The following SLC35F4 variants were observed in gnomAD, a reference collection of about 807,000 sequenced individuals.
SLC35F4 encodes the protein solute carrier family 35 member F4.
Under a neutral mutation model 44.2 loss-of-function variants are expected in SLC35F4, and 24 were observed. That is an observed-to-expected ratio of 0.54 (90% CI 0.39 to 0.76). The LOEUF is 0.76. Ranked by LOEUF, SLC35F4 falls within the 30% of genes least tolerant of loss-of-function variation. The probability of loss-of-function intolerance (pLI) is 0.00; values close to 1 mark genes in which losing one functional copy is unlikely to be tolerated. For synonymous variants in SLC35F4, 238 were observed against 223.6 expected, an observed-to-expected ratio of 1.06 and a Z score of -0.57; for missense variants, 562 against 586.1, an observed-to-expected ratio of 0.96 and a Z score of 0.42.
At chr14:57,884,023 C>G (rs1468522286) in intron 1 of SLC35F4, among the ~76,000 whole-genome samples, 1 of 151,986 alleles carries the variant, frequency 6.6e-6, no homozygotes, top group Non-Finnish European at 1.5e-5. Flanking sequence ...CAATAAGAGC[C>G]GTGGATAAAA....
intron 1 of SLC35F4, chr14:57,630,835 A>G: frequency 1.3e-6 from 1 of 755,734 alleles, no homozygotes; most frequent in Non-Finnish European, 1.7e-6. Context: ...TCATAATCAA[A>G]ATGATATGCT....
intron 1 of SLC35F4, among the ~76,000 whole-genome samples, chr14:57,642,339 TAAC>T (rs1008060922): frequency 2.0e-5 from 3 of 152,024 alleles, no homozygotes; most frequent in African/African-American, 7.2e-5. Flanking sequence ...GATTTTATAT[TAAC>T]AACAAATTAA....
At chr14:57,617,452 G>GAA (rs1055775404) in intron 1 of SLC35F4, among the ~76,000 whole-genome samples, 1 of 149,658 alleles carries the variant, frequency 6.7e-6, no homozygotes, top group Non-Finnish European at 1.5e-5. Flanking sequence ...TTCTTAAAAA[G>GAA]AAAAAAAAAT....
At chr14:57,755,115 C>T (rs1024428417) in intron 1 of SLC35F4, among the ~76,000 whole-genome samples, 3 of 152,168 alleles carry the variant, frequency 2.0e-5, no homozygotes, top group Admixed American at 2.0e-4. Flanking sequence ...CAGTTGTTCC[C>T]TTGACCCCCA....
chr14:57,938,054 CTTTT>C (rs976111900), intron 1 of SLC35F4, among the ~76,000 whole-genome samples: 2 of 152,138 alleles, frequency 1.3e-5, no homozygotes, highest in Non-Finnish European at 2.9e-5. Flanking sequence ...TATCAATACT[CTTTT>C]TGTTATTGCA....
At chr14:57,758,832 T>C (rs1477317103) in intron 1 of SLC35F4, among the ~76,000 whole-genome samples, 1 of 152,174 alleles carries the variant, frequency 6.6e-6, no homozygotes, top group Non-Finnish European at 1.5e-5. Flanking sequence ...AGAAGATCTC[T>C]AGAAGCTATT....
chr14:57,883,543 A>G (rs78273821), intron 1 of SLC35F4, among the ~76,000 whole-genome samples: 13,253 of 152,288 alleles, frequency 0.087, 651 homozygotes, highest in Middle Eastern at 0.15. Flanking sequence ...ATGGATTGGC[A>G]TTTAGAAATG....
At chr14:57,581,467 C>T (rs2069251525) in intron 3 of SLC35F4, 34 bp from the exon 4 acceptor site, 1 of 1,553,322 alleles carries the variant, frequency 6.4e-7, no homozygotes. Context: ...TATCCAGGTA[C>T]TGATGGTGAC....
intron 1 of SLC35F4, among the ~76,000 whole-genome samples, chr14:57,953,997 C>T (rs530249259): frequency 6.6e-6 from 1 of 152,290 alleles, no homozygotes; most frequent in Non-Finnish European, 1.5e-5. Context: ...CCACACTGCA[C>T]TTATTCTAAA....
At chr14:57,950,583 G>C (rs1890116888) in intron 1 of SLC35F4, among the ~76,000 whole-genome samples, 1 of 151,792 alleles carries the variant, frequency 6.6e-6, no homozygotes, top group Admixed American at 6.6e-5. Flanking sequence ...TGATTGTTGG[G>C]GATGTTATAG....
At chr14:57,854,446 T>TA (rs1309992135) in intron 1 of SLC35F4, among the ~76,000 whole-genome samples, 1 of 152,162 alleles carries the variant, frequency 6.6e-6, no homozygotes, top group African/African-American at 2.4e-5. Flanking sequence ...CATACATAGC[T>TA]AAAAAAAGAA....
rs1056728612 is a variant in SLC35F4, at chr14:57,564,007, T to G, written c.*128A>C. The G allele has an allele frequency of 2.0e-6, 2 of 998,528 alleles. No individual in the cohort carries two copies. The highest frequency in any genetic ancestry group is 2.9e-6 in the Non-Finnish European group (2 of 698,526). 61.9% of individuals were successfully genotyped at this position (998,528 alleles called of 1,614,324 possible). On this transcript the variant is annotated 3_prime_UTR_variant, in exon 8 of 8. Transcript: ENST00000556826. ...AGCATATAAATGTAAACTTTTATTG[T>G]TGGCATTATTTCACATATGATTTAT...
At chr14:57,740,970 G>C (rs1012400230) in intron 1 of SLC35F4, among the ~76,000 whole-genome samples, 4 of 152,170 alleles carry the variant, frequency 2.6e-5, no homozygotes, top group Non-Finnish European at 5.9e-5. Flanking sequence ...AGGCAAACAG[G>C]GTCTCGAGTG....
At chr14:57,601,114 A>G (rs1347606683) in intron 1 of SLC35F4, among the ~76,000 whole-genome samples, 1 of 152,078 alleles carries the variant, frequency 6.6e-6, no homozygotes, top group Non-Finnish European at 1.5e-5. Flanking sequence ...ATGTTTTAAA[A>G]TAACTTGGCT....
chr14:57,569,658 C>T (rs780121286), intron 6 of SLC35F4, 130 bp downstream of exon 6: 72 of 1,064,752 alleles, frequency 6.8e-5, no homozygotes, highest in Middle Eastern at 6.3e-4. Context: ...ACATGACCAA[C>T]GACATTGAAC....
chr14:57,883,240 T>C lies in SLC35F4; in HGVS notation n.282+98673A>G, dbSNP rs1888578056. On this transcript the variant is annotated intron_variant and non_coding_transcript_variant, in intron 1 of 1. Coordinates refer to the SLC35F4 transcript ENST00000556568. The stretch of plus-strand genomic sequence containing the variant: ...GTTTGTAGTTGCATGCCTGTGAGAT[T>C]TGTTTATTACACAATCTTATTGTGG... Among the ~76,000 whole-genome samples, 3 of 152,318 alleles carry C rather than the reference T, an allele frequency of 2.0e-5. No individual in the cohort carries two copies. In the South Asian group the frequency reaches 6.2e-4, roughly 32 times the overall value.
chr14:57,585,075 A>C (rs755980954), intron 3 of SLC35F4, among the ~76,000 whole-genome samples: 1 of 152,192 alleles, frequency 6.6e-6, no homozygotes, highest in South Asian at 2.1e-4. Flanking sequence ...GTAAGCATTT[A>C]CTCTCTTTGA....
At chr14:57,603,073 T>C (rs1422698118) in intron 1 of SLC35F4, among the ~76,000 whole-genome samples, 1 of 152,232 alleles carries the variant, frequency 6.6e-6, no homozygotes, top group African/African-American at 2.4e-5. Flanking sequence ...GGAGTAACTT[T>C]GATGATTTCT....
intron 1 of SLC35F4, among the ~76,000 whole-genome samples, chr14:57,761,693 T>C (rs928593348): frequency 1.3e-5 from 2 of 152,202 alleles, no homozygotes; most frequent in Admixed American, 6.6e-5. Flanking sequence ...TCAGCGCATA[T>C]TCTTAACCAG....
Sources: allele counts gnomAD v4.1 joint callset (sites outside exome capture counted in the v4.1 genomes callset), GRCh38; gene constraint gnomAD v4.1.1; transcripts MANE v1.5; gene names NCBI Gene and HGNC (gene_info 2026-07-23, HGNC 2026-07-21).